The following SCN7A variants were observed in gnomAD, a reference collection of about 807,000 sequenced individuals.
The protein encoded by SCN7A is sodium voltage-gated channel alpha subunit 7, also known as sodium channel protein type 7 subunit alpha.
SCN7A carries 138 observed loss-of-function variants against 155.2 expected under a neutral mutation model. That is an observed-to-expected ratio of 0.89 (90% CI 0.77 to 1.02). The LOEUF (loss-of-function observed/expected upper bound fraction) is 1.02. Ranked by LOEUF, SCN7A falls within the 50% of genes least tolerant of loss-of-function variation. SCN7A has a pLI of 0.00. For synonymous variants in SCN7A, 693 were observed against 649.0 expected (o/e 1.07, Z -1.03); for missense variants, 2,058 against 1,986.6 (o/e 1.04, Z -0.68).
chr2:166,490,055 A>C (rs923232318), intron 1 of SCN7A, among the ~76,000 whole-genome samples: 2 of 152,050 alleles, frequency 1.3e-5, no homozygotes, highest in African/African-American at 4.8e-5. Context: ...TGATTATATC[A>C]AGCTAATTAA....
At chr2:166,438,972 A>AATATATAT (rs3058347) in intron 15 of SCN7A, among the ~76,000 whole-genome samples, 1 of 141,038 alleles carries the variant, frequency 7.1e-6, no homozygotes, top group African/African-American at 2.7e-5. Flanking sequence ...TGTTTAGGCA[A>AATATATAT]ATATATATAT....
chr2:166,451,275 G>A (rs978823043), intron 11 of SCN7A, among the ~76,000 whole-genome samples: 1 of 152,140 alleles, frequency 6.6e-6, no homozygotes, highest in African/African-American at 2.4e-5. Context: ...CCACAGGTCT[G>A]TCTAGTAATA....
Position 166,472,398 on chromosome 2 carries a change from AAG to A in SCN7A, c.489_490del (p.Phe164CysfsTer14). ...TGATCCTGCCCAGACACCTCTTGCA[AAG>A]AGTTTTACAAGTATTTCAAATGTGT... On this transcript the variant is annotated frameshift_variant, in exon 6 of 26. Transcript: ENST00000643258. LOFTEE classifies it high-confidence loss of function. 1 of 1,607,708 alleles carries A rather than the reference AAG, an allele frequency of 6.2e-7. No homozygotes were observed. The highest frequency in any genetic ancestry group is 8.5e-7 in the Non-Finnish European group (1 of 1,176,032).
chr2:166,487,650 G>A (rs187373456), intron 1 of SCN7A, among the ~76,000 whole-genome samples: 34 of 152,286 alleles, frequency 2.2e-4, no homozygotes, highest in African/African-American at 7.9e-4. Flanking sequence ...CAAAACAAAT[G>A]TTAGATTAGC....
rs948287169 is a variant in SCN7A, at chr2:166,465,497, T to A, written c.906A>T (p.Arg302Ser). The A allele has an allele frequency of 6.2e-7, 1 of 1,608,914 alleles. No individual in the cohort carries two copies. The highest frequency in any genetic ancestry group is 1.3e-5 in the African/African-American group (1 of 74,848). The change falls in exon 9 of 26, where the codon AGA becomes AGT. Residue 302 changes from arginine (R) to serine (S), a missense_variant. Arg to Ser is a moderately radical substitution (Grantham distance 110, BLOSUM62 -1). Coordinates refer to ENST00000643258, the MANE Select transcript of SCN7A (RefSeq NM_002976.4). ...TCCTGTTGCCACAAAGGAGAGCATATCTTTCTCCTTCCAAATAATAAAAGT... is the reference window on the plus strand; with the variant it reads ...TCCTGTTGCCACAAAGGAGAGCATAACTTTCTCCTTCCAAATAATAAAAGT... ...TENFYYLEGE[R>S]YALLCGNRTD...
At chr2:166,414,222 A>ATAT (rs1701293137) in intron 21 of SCN7A, among the ~76,000 whole-genome samples, 1 of 98,224 alleles carries the variant, frequency 1.0e-5, no homozygotes, top group Non-Finnish European at 1.9e-5. Flanking sequence ...AAATATATAT[A>ATAT]AATATATATA....
intron 1 of SCN7A, among the ~76,000 whole-genome samples, chr2:166,487,722 C>T (rs1310442157): frequency 1.3e-5 from 2 of 151,834 alleles, no homozygotes; most frequent in African/African-American, 4.8e-5. Flanking sequence ...TAATGCATTC[C>T]AAAAAGATTG....
chr2:166,490,370 C>G (rs1281927959), intron 1 of SCN7A, among the ~76,000 whole-genome samples: 1 of 152,090 alleles, frequency 6.6e-6, no homozygotes, highest in Non-Finnish European at 1.5e-5. Flanking sequence ...TCTTTCAATG[C>G]CTGGAATATT....
chr2:166,456,157 TGA>T (rs1211793093), intron 11 of SCN7A, among the ~76,000 whole-genome samples: 1 of 151,868 alleles, frequency 6.6e-6, no homozygotes, highest in Non-Finnish European at 1.5e-5. Flanking sequence ...AGTTGAACAA[TGA>T]GAGCACATGG....
intron 11 of SCN7A, among the ~76,000 whole-genome samples, chr2:166,453,456 T>G (rs1223036127): frequency 2.0e-5 from 3 of 152,206 alleles, no homozygotes; most frequent in African/African-American, 7.2e-5. Context: ...AATATTGACA[T>G]GTCATAATAA....
At position 166,462,980 on chromosome 2, in the gene SCN7A, G is replaced by A. The variant is rs72886690; in HGVS notation, c.942-450C>T. ...TCATTTTTCAAGAATAAAATACCTT[G>A]TATTAACTATATCTTTACTACTCCA... On this transcript the variant is annotated intron_variant, in intron 9 of 25. Transcript: ENST00000643258. 7.0e-3 allele frequency among the ~76,000 whole-genome samples: 1,059 copies of A among 152,080 alleles called. 12 individuals carry two copies. The highest frequency in any genetic ancestry group is 0.012 in the Non-Finnish European group (791 of 67,986).
At chr2:166,476,044 T>G (rs1575062534) in intron 3 of SCN7A, among the ~76,000 whole-genome samples, 1 of 151,924 alleles carries the variant, frequency 6.6e-6, no homozygotes, top group Non-Finnish European at 1.5e-5. Context: ...GCCATATCAA[T>G]TATTATGACA....
chr2:166,425,107 G>A (rs183943070), intron 18 of SCN7A, among the ~76,000 whole-genome samples: 18 of 152,178 alleles, frequency 1.2e-4, no homozygotes, highest in Admixed American at 1.0e-3. Context: ...GTGAAATTGC[G>A]CGGTGCAGTC....
chr2:166,473,696 A>G, intron 5 of SCN7A, 103 bp downstream of exon 5: 1 of 271,520 alleles, frequency 3.7e-6, no homozygotes, highest in Non-Finnish European at 6.9e-6. Context: ...ATTATAATAT[A>G]AAATATAATG....
chr2:166,441,115 T>C (rs78590856), intron 15 of SCN7A: 10,246 of 435,218 alleles, frequency 0.024, 154 homozygotes, highest in Non-Finnish European at 0.032. Flanking sequence ...GAGGACCTAC[T>C]ATATTATCAT....
chr2:166,441,233 G>T (rs1701952551), intron 15 of SCN7A, 163 bp downstream of exon 15: 4 of 514,726 alleles, frequency 7.8e-6, no homozygotes, highest in Non-Finnish European at 1.0e-5. Flanking sequence ...ATTTCAAATG[G>T]AACTAATCAT....
rs534362745 is a variant in SCN7A at position 166,427,695 on chromosome 2, G to A, written c.2853+93C>T. 67 of 1,145,294 alleles carry A rather than the reference G, an allele frequency of 5.9e-5. 1 individual carries two copies. In the East Asian group the frequency reaches 1.7e-3, roughly 29 times the overall value. 70.9% of individuals were successfully genotyped at this position (1,145,294 alleles called of 1,614,324 possible). The stretch of plus-strand genomic sequence containing the variant: ...ATTTGGTGCTATACTAAATATCCTT[G>A]GAAATGTAATCCTGGTTTTGACTTT... On this transcript the variant is annotated intron_variant, in intron 18 of 25. Coordinates refer to ENST00000643258, the MANE Select transcript of SCN7A (RefSeq NM_002976.4).
intron 11 of SCN7A, among the ~76,000 whole-genome samples, chr2:166,447,966 AT>A (rs1702101462): frequency 6.6e-6 from 1 of 152,160 alleles, no homozygotes; most frequent in Non-Finnish European, 1.5e-5. Flanking sequence ...TATTGATAAC[AT>A]TTCAATTCCT....
In SCN7A at chr2:166,454,911, A is replaced by G. The variant is rs564765992; in HGVS notation, c.1290+1959T>C. On this transcript the variant is annotated intron_variant, in intron 11 of 25. Transcript: ENST00000643258. ...TCAATACTTTCAAACTAATAGACCA[A>G]AGTTTTTGCTATGAGGCTAAAGAAT... Among the ~76,000 whole-genome samples, 4 of 152,276 alleles carry G rather than the reference A, an allele frequency of 2.6e-5. No individual in the cohort carries two copies. In the East Asian group the frequency reaches 7.7e-4, roughly 29 times the overall value.
Sources: allele counts gnomAD v4.1 joint callset (sites outside exome capture counted in the v4.1 genomes callset), GRCh38; gene constraint gnomAD v4.1.1; transcripts MANE v1.5; gene names NCBI Gene and HGNC (gene_info 2026-07-23, HGNC 2026-07-21).